TTC39C: variants seen among roughly 807,000 people sequenced by gnomAD.
TTC39C encodes the protein tetratricopeptide repeat protein 39C.
Under a neutral mutation model 76.3 loss-of-function variants are expected in TTC39C, and 33 were observed. The ratio of observed to expected loss-of-function variants is 0.43; its 90% CI spans 0.33 to 0.58. TTC39C has a LOEUF of 0.58. TTC39C is among the 20% of genes least tolerant of loss of function. The pLI, the probability that TTC39C is intolerant of heterozygous loss-of-function variation, is 0.04. For missense variants in TTC39C, 595 were observed against 701.4 expected (o/e 0.85, Z 1.71); for synonymous variants, 254 against 260.6 (o/e 0.97, Z 0.24).
intron 1 of TTC39C, among the ~76,000 whole-genome samples, chr18:24,050,758 G>A (rs753584460): frequency 6.6e-5 from 10 of 151,566 alleles, no homozygotes; most frequent in Non-Finnish European, 1.2e-4. Flanking sequence ...TGTAATCCCA[G>A]CTATTCAGGA....
chr18:24,127,980 C>A (rs1446556195), intron 10 of TTC39C, among the ~76,000 whole-genome samples: 1 of 152,224 alleles, frequency 6.6e-6, no homozygotes, highest in African/African-American at 2.4e-5. Context: ...CAGTCTGTAA[C>A]CCTCGAGGCC....
Position 24,118,188 on chromosome 18 carries a change from A to G in TTC39C, c.1142A>G (p.Asn381Ser). The change falls in exon 8 of 14, where the codon AAT becomes AGT. Residue 381 changes from asparagine to serine, a missense_variant. Coordinates refer to ENST00000317571, the MANE Select transcript of TTC39C (RefSeq NM_001135993.2). Reference protein sequence around the residue: ...DAFDSFERLKNESRWSQCYYA... With the variant: ...DAFDSFERLKSESRWSQCYYA... ...TTTGATTCCTTTGAGAGGCTAAAAAATGAGTCCAGGTGGTCCCAGTGCTAT... is the reference window on the plus strand; with the variant it reads ...TTTGATTCCTTTGAGAGGCTAAAAAGTGAGTCCAGGTGGTCCCAGTGCTAT... 1 of 1,614,110 alleles carries G rather than the reference A, an allele frequency of 6.2e-7. No homozygotes were observed. The highest frequency in any genetic ancestry group is 2.2e-5 in the East Asian group (1 of 44,876).
At chr18:24,069,060 T>C in intron 3 of TTC39C, 97 bp from the exon 4 acceptor site, 1 of 1,007,520 alleles carries the variant, frequency 9.9e-7, no homozygotes, top group South Asian at 1.6e-5. Context: ...TCACAATTCG[T>C]ATGTGAAATT....
At position 24,020,204 on chromosome 18, in the gene TTC39C, G is replaced by A. The variant is rs62087928; in HGVS notation, c.167+5166G>A. On this transcript the variant is annotated intron_variant, in intron 1 of 13. Coordinates refer to ENST00000317571, the MANE Select transcript of TTC39C (RefSeq NM_001135993.2). ...GACTTTTTCCATCCTCTTCAACTCA[G>A]TGGTGTGTTGGAAAAAGGCATCTTT... 21 of 1,112,550 alleles carry A rather than the reference G, an allele frequency of 1.9e-5. No homozygotes were observed. In the African/African-American group the frequency reaches 3.3e-4, roughly 17 times the overall value. 68.9% of individuals were successfully genotyped at this position (1,112,550 alleles called of 1,614,324 possible).
At chr18:23,999,494 C>T (rs2083295315) in intron 1 of TTC39C, among the ~76,000 whole-genome samples, 1 of 152,242 alleles carries the variant, frequency 6.6e-6, no homozygotes, top group African/African-American at 2.4e-5. Context: ...TCAACTCTCC[C>T]CCATTTTGGG....
intron 1 of TTC39C, among the ~76,000 whole-genome samples, chr18:24,039,066 G>A (rs1192171332): frequency 6.6e-6 from 1 of 152,156 alleles, no homozygotes; most frequent in Non-Finnish European, 1.5e-5. Context: ...ACTTACTTGG[G>A]ACCCCCAGTT....
intron 4 of TTC39C, among the ~76,000 whole-genome samples, chr18:24,070,359 G>A (rs528740713): frequency 6.6e-6 from 1 of 152,118 alleles, no homozygotes; most frequent in Non-Finnish European, 1.5e-5. Context: ...ATATGGTCAA[G>A]AACTCATAGC....
At chr18:24,094,259 G>C (rs1182369871) in intron 6 of TTC39C, among the ~76,000 whole-genome samples, 1 of 152,148 alleles carries the variant, frequency 6.6e-6, no homozygotes, top group Non-Finnish European at 1.5e-5. Context: ...CCCATCTTCA[G>C]GCTCCACTTC....
At chr18:24,131,777 A>G (rs1226634406) in intron 12 of TTC39C, 105 bp from the exon 13 acceptor site, 4 of 880,770 alleles carry the variant, frequency 4.5e-6, no homozygotes, top group East Asian at 5.2e-5. Flanking sequence ...ACTCATTGCT[A>G]TGTCTACAGT....
intron 10 of TTC39C, 59 bp from the exon 11 acceptor site, chr18:24,128,827 T>C (rs1162296468): frequency 6.7e-6 from 9 of 1,341,082 alleles, no homozygotes; most frequent in East Asian, 2.4e-5. Context: ...CTTCATGATA[T>C]TGAAGGAATT....
intron 6 of TTC39C, among the ~76,000 whole-genome samples, chr18:24,107,364 A>T (rs2084757746): frequency 6.6e-6 from 1 of 152,100 alleles, no homozygotes; most frequent in Admixed American, 6.5e-5. Flanking sequence ...AATACAGCTC[A>T]TGAATTTTGC....
At chr18:24,062,376 C>T (rs976389584) in intron 1 of TTC39C, among the ~76,000 whole-genome samples, 1 of 152,212 alleles carries the variant, frequency 6.6e-6, no homozygotes, top group African/African-American at 2.4e-5. Flanking sequence ...TGTGTCATCC[C>T]TTCCTTCACT....
chr18:24,082,949 G>GT lies in TTC39C; in HGVS notation c.858dup (p.Ala287CysfsTer6). On this transcript the variant is annotated frameshift_variant, in exon 6 of 14. Coordinates refer to ENST00000317571, the MANE Select transcript of TTC39C (RefSeq NM_001135993.2). LOFTEE classifies it high-confidence loss of function. Reference sequence around the variant, plus strand: ...TCTGGTATCATACTGTAGTCCGCCCGTTTTTTGCCTTGGATGGCAGTGATA... The same window carrying GT: ...TCTGGTATCATACTGTAGTCCGCCCGTTTTTTTGCCTTGGATGGCAGTGATA... 1 of 1,613,850 alleles carries GT rather than the reference G, an allele frequency of 6.2e-7. No individual in the cohort carries two copies. The highest frequency in any genetic ancestry group is 1.1e-5 in the South Asian group (1 of 91,046).
At chr18:24,100,066 T>C (rs1284205028) in intron 6 of TTC39C, among the ~76,000 whole-genome samples, 1 of 152,212 alleles carries the variant, frequency 6.6e-6, no homozygotes, top group Non-Finnish European at 1.5e-5. Context: ...TTCCCTTAAC[T>C]TAGCTTGTTT....
At position 24,134,257 on chromosome 18, in the gene TTC39C, G is replaced by GGT. The variant is rs2085169191; in HGVS notation, c.*1683_*1684insGT. Reference sequence around the variant, plus strand: ...TGGTGCCCAAAAATATTGGACATCTGTTTTTTGTTTTTTTTTTTTTTTTTT... The same window carrying GGT: ...TGGTGCCCAAAAATATTGGACATCTGGTTTTTTTGTTTTTTTTTTTTTTTTTT... On this transcript the variant is annotated 3_prime_UTR_variant, in exon 14 of 14. Coordinates refer to ENST00000317571, the MANE Select transcript of TTC39C (RefSeq NM_001135993.2). 1 of 48,688 alleles carries GGT rather than the reference G, an allele frequency of 2.1e-5. No individual in the cohort carries two copies. Among genetic ancestry groups the GGT allele is most frequent in the African/African-American group, 6.0e-5 (1 of 16,714 alleles). 3.0% of individuals were successfully genotyped at this position (48,688 alleles called of 1,614,324 possible). A position where few individuals can be genotyped will look rare whatever the true frequency, so the allele number is the denominator to read the frequency against.
chr18:24,048,140 A>G (rs1599272372), intron 1 of TTC39C, among the ~76,000 whole-genome samples: 1 of 152,322 alleles, frequency 6.6e-6, no homozygotes, highest in Admixed American at 6.5e-5. Flanking sequence ...TATTATATGT[A>G]TGATTTTTGT....
At chr18:24,048,253 C>T (rs951099390) in intron 1 of TTC39C, among the ~76,000 whole-genome samples, 5 of 152,206 alleles carry the variant, frequency 3.3e-5, no homozygotes, top group Non-Finnish European at 7.3e-5. Flanking sequence ...AACGCATACA[C>T]GTGTGTGCCT....
In TTC39C at chr18:24,057,049, AATTCTG is replaced by A. The variant is rs537479381; in HGVS notation, c.168-7088_168-7083del. 2.5e-3 allele frequency among the ~76,000 whole-genome samples: 380 copies of A among 152,220 alleles called. 3 individuals carry two copies. Among genetic ancestry groups the A allele is most frequent in the Middle Eastern group, 0.01 (3 of 294 alleles). On this transcript the variant is annotated intron_variant, in intron 1 of 13. Transcript: ENST00000317571. Reference sequence around the variant, plus strand: ...GAAAAGTACATAGAATCATTTAATGAATTCTGATGTTCTTGTCACTCAGCTTCAATA... The same window carrying A: ...GAAAAGTACATAGAATCATTTAATGAATGTTCTTGTCACTCAGCTTCAATA...
chr18:24,022,476 G>A (rs1339586192), intron 1 of TTC39C: 1 of 821,360 alleles, frequency 1.2e-6, no homozygotes, highest in Non-Finnish European at 1.5e-6. Context: ...GAGTGCTGGG[G>A]TTGAAACTGG....
Sources: allele counts gnomAD v4.1 joint callset (sites outside exome capture counted in the v4.1 genomes callset), GRCh38; gene constraint gnomAD v4.1.1; transcripts MANE v1.5; gene names NCBI Gene and HGNC (gene_info 2026-07-23, HGNC 2026-07-21).